The following AUTS2 variants were observed in gnomAD, a reference collection of about 807,000 sequenced individuals.
The protein encoded by AUTS2 is autism susceptibility gene 2 protein.
A neutral mutation model predicts 112.4 loss-of-function variants in AUTS2; 17 were observed. That is an observed-to-expected ratio of 0.15 (90% CI 0.10 to 0.23). The LOEUF is 0.23. AUTS2 is among the 10% of genes least tolerant of loss of function. The probability of loss-of-function intolerance (pLI) is 1.00; values close to 1 mark genes in which losing one functional copy is unlikely to be tolerated. For missense variants in AUTS2, 1,510 were observed against 1,701.6 expected, an observed-to-expected ratio of 0.89 and a Z score of 1.98; for synonymous variants, 751 against 702.7, an observed-to-expected ratio of 1.07 and a Z score of -1.09.
rs1313184148 is a variant in AUTS2 at position 70,790,617 on chromosome 7, C to T, written c.3401C>T (p.Pro1134Leu). The stretch of plus-strand genomic sequence containing the variant: ...CACCACCACCACCACCACCACCACC[C>T]GCTGTCTGTGGACCCTCGGCGGGAG... ...YSHHHHHHHHPLSVDPRREHE... is the reference protein window; with the variant it reads ...YSHHHHHHHHLLSVDPRREHE... Residue 1134 changes from proline to leucine, a missense_variant, in exon 19 of 19, where the codon CCG (proline) becomes CTG (leucine). By Grantham distance (98) the Pro-to-Leu change is moderately conservative. This residue lies in a region of AUTS2 where 788 missense variants were observed against 797.6 expected (regional missense o/e 0.99). Transcript: ENST00000342771. The surrounding 1 kb of genome is among the most constrained non-coding windows in gnomAD (Gnocchi z 7.6). The T allele has an allele frequency of 5.6e-6, 9 of 1,607,630 alleles. No individual in the cohort carries two copies. Among genetic ancestry groups the T allele is most frequent in the East Asian group, 4.5e-5 (2 of 44,172 alleles).
intron 2 of AUTS2, among the ~76,000 whole-genome samples, chr7:69,927,064 A>G (rs1796045754): frequency 6.8e-6 from 1 of 147,838 alleles, no homozygotes; most frequent in Non-Finnish European, 1.5e-5. Flanking sequence ...GATATGTTAA[A>G]TACTTTATTC....
chr7:70,147,407 A>G (rs904392847), intron 4 of AUTS2, among the ~76,000 whole-genome samples: 4 of 127,886 alleles, frequency 3.1e-5, no homozygotes, highest in African/African-American at 1.2e-4. Flanking sequence ...ACTGGCTTCA[A>G]GGAAGTCAGC....
intron 6 of AUTS2, among the ~76,000 whole-genome samples, chr7:70,724,237 A>G (rs12666137): frequency 0.23 from 34,721 of 151,962 alleles, 4,829 homozygotes; most frequent in East Asian, 0.57. Context: ...TTTTGCAGGC[A>G]CATATATACC....
chr7:70,053,635 G>A (rs1164173540), intron 2 of AUTS2, among the ~76,000 whole-genome samples: 1 of 150,864 alleles, frequency 6.6e-6, no homozygotes, highest in Non-Finnish European at 1.5e-5. Context: ...GCCCTCCAGG[G>A]CTAAAGTAAT....
At chr7:69,631,079 G>A (rs549322255) in intron 1 of AUTS2, among the ~76,000 whole-genome samples, 3 of 152,274 alleles carry the variant, frequency 2.0e-5, no homozygotes, top group African/African-American at 4.8e-5. Flanking sequence ...GCCCCATGGG[G>A]TTCACAGGTG....
chr7:70,177,828 C>CT lies in AUTS2; in HGVS notation c.660+43263dup. 1.3e-5 allele frequency among the ~76,000 whole-genome samples: 2 copies of CT among 151,328 alleles called. 1 individual carries two copies. The highest frequency in any genetic ancestry group is 2.9e-5 in the Non-Finnish European group (2 of 67,920). ...CTGTTCTGCATTCTCATTGTTTGGA[C>CT]TTTTTTCAAATCATTGCTAATACAC... On this transcript the variant is annotated intron_variant, in intron 4 of 18. Transcript: ENST00000342771.
At chr7:69,836,666 A>G (rs1038481082) in intron 1 of AUTS2, among the ~76,000 whole-genome samples, 1 of 152,206 alleles carries the variant, frequency 6.6e-6, no homozygotes, top group Non-Finnish European at 1.5e-5. Context: ...CTCCTCAGGA[A>G]CAATGACAGA....
chr7:70,605,368 G>A (rs926207182), intron 5 of AUTS2, among the ~76,000 whole-genome samples: 9 of 152,152 alleles, frequency 5.9e-5, no homozygotes, highest in African/African-American at 1.7e-4. Flanking sequence ...CATGTTCACA[G>A]GCTGACCAAG....
At chr7:70,779,036 C>T (rs1336672098) in intron 14 of AUTS2, among the ~76,000 whole-genome samples, 2 of 152,224 alleles carry the variant, frequency 1.3e-5, no homozygotes, top group Non-Finnish European at 2.9e-5. Flanking sequence ...CCCTTTTCAG[C>T]AAACTGCTTG....
intron 1 of AUTS2, among the ~76,000 whole-genome samples, chr7:69,651,819 T>C (rs1795302498): frequency 2.0e-5 from 3 of 152,242 alleles, no homozygotes; most frequent in Admixed American, 1.3e-4. Context: ...TTAGCTTATG[T>C]AGATCATAAA....
chr7:69,669,703 T>C (rs1562798792), intron 1 of AUTS2, among the ~76,000 whole-genome samples: 1 of 152,052 alleles, frequency 6.6e-6, no homozygotes, highest in Non-Finnish European at 1.5e-5. Flanking sequence ...ATGATTTTTT[T>C]CCCCTCAAAG....
At chr7:70,303,427 C>CGT (rs1789322157) in intron 4 of AUTS2, among the ~76,000 whole-genome samples, 2 of 135,384 alleles carry the variant, frequency 1.5e-5, no homozygotes, top group African/African-American at 2.9e-5. Context: ...CACACACGCG[C>CGT]GCGCGCGCAC....
At chr7:69,665,174 G>T (rs756390379) in intron 1 of AUTS2, among the ~76,000 whole-genome samples, 1 of 152,104 alleles carries the variant, frequency 6.6e-6, no homozygotes, top group Non-Finnish European at 1.5e-5. Flanking sequence ...CCATCCTAAT[G>T]TACTTCACTT....
chr7:70,411,920 CTTTT>C (rs545022866), intron 4 of AUTS2, among the ~76,000 whole-genome samples: 1 of 130,904 alleles, frequency 7.6e-6, no homozygotes. Flanking sequence ...TTCCTTTTTT[CTTTT>C]TTTTTTTTTT....
intron 1 of AUTS2, among the ~76,000 whole-genome samples, chr7:69,839,788 A>AGTT (rs752839122): frequency 3.0e-4 from 46 of 152,046 alleles, no homozygotes; most frequent in African/African-American, 9.9e-4. Context: ...AGCCACCTGC[A>AGTT]GTTGTTGTTG....
At position 70,787,506 on chromosome 7, in the gene AUTS2, C is replaced by T. The variant is rs1218759181; in HGVS notation, c.2531+75C>T. 13 of 1,098,776 alleles carry T rather than the reference C, an allele frequency of 1.2e-5. 1 individual carries two copies. The highest frequency in any genetic ancestry group is 1.6e-5 in the Non-Finnish European group (12 of 765,878). The allele number at this position is 1,098,776 out of a possible 1,614,324, so 68.1% of individuals were successfully genotyped here. ...CCAAGTACCAGTGGAACTGGCCGCC[C>T]ACCCTCCCTGTCCCAGCCTCGTGCT... is the stretch of plus-strand genomic sequence containing the variant. On this transcript the variant is annotated intron_variant, in intron 18 of 18. Coordinates refer to ENST00000342771, the MANE Select transcript of AUTS2 (RefSeq NM_015570.4).
At chr7:70,520,602 T>TA (rs1450054387) in intron 5 of AUTS2, among the ~76,000 whole-genome samples, 13 of 152,172 alleles carry the variant, frequency 8.5e-5, no homozygotes, top group Admixed American at 7.2e-4. Context: ...TTCCAGCCAA[T>TA]AAAAAATACC....
At chr7:70,486,005 A>T (rs13312702) in intron 5 of AUTS2, among the ~76,000 whole-genome samples, 53,524 of 129,894 alleles carry the variant, frequency 0.41, 10,389 homozygotes, top group African/African-American at 0.57. Flanking sequence ...AATAAATAAT[A>T]AATAAATAAA....
chr7:70,768,114 A>G (rs1478314016), intron 10 of AUTS2, 46 bp downstream of exon 10: 10 of 1,549,368 alleles, frequency 6.5e-6, no homozygotes, highest in African/African-American at 1.4e-5. Context: ...CTGCTTTGCC[A>G]TTTTTGTGCT....
Sources: allele counts gnomAD v4.1 joint callset (sites outside exome capture counted in the v4.1 genomes callset), GRCh38; gene constraint gnomAD v4.1.1; regional missense constraint gnomAD v4.1.1; non-coding constraint Gnocchi (gnomAD v3.1); transcripts MANE v1.5; gene names NCBI Gene and HGNC (gene_info 2026-07-23, HGNC 2026-07-21).